Variants in FARP2 observed in about 807,000 individuals in gnomAD.
FARP2 encodes FERM, ARHGEF and pleckstrin domain-containing protein 2.
A neutral mutation model predicts 130.5 loss-of-function variants in FARP2; 111 were observed. The observed-to-expected ratio is 0.85, with a 90% CI of 0.73 to 1.00. The LOEUF (loss-of-function observed/expected upper bound fraction) is 1.00, where lower values mean the gene tolerates loss of function less well. Ranked by LOEUF, FARP2 falls within the 50% of genes least tolerant of loss-of-function variation. FARP2 has a pLI of 0.00. For missense variants in FARP2, 1,385 were observed against 1,346.3 expected (o/e 1.03, Z -0.45); for synonymous variants, 504 against 516.9 (o/e 0.98, Z 0.34).
At chr2:241,493,067 G>A (rs78424517) in intron 25 of FARP2, 31 bp downstream of exon 25, 8 of 1,305,164 alleles carry the variant, frequency 6.1e-6, no homozygotes, top group Non-Finnish European at 8.9e-6. Context: ...CCCAATGCAG[G>A]TGATGCTAGC....
intron 20 of FARP2, chr2:241,483,934 G>T: frequency 1.0e-6 from 1 of 985,476 alleles, no homozygotes. Flanking sequence ...CCAGTTAGTG[G>T]GTTCCAGCCT....
intron 13 of FARP2, chr2:241,443,368 T>G (rs897385985): frequency 1.3e-5 from 2 of 152,380 alleles, no homozygotes; most frequent in African/African-American, 2.4e-5. Flanking sequence ...AATGCACTTA[T>G]GTAAGTTTGA....
chr2:241,390,107 T>C (rs2061872493), intron 2 of FARP2, among the ~76,000 whole-genome samples: 1 of 152,212 alleles, frequency 6.6e-6, no homozygotes, highest in Non-Finnish European at 1.5e-5. Flanking sequence ...TGATAAGTGT[T>C]CTTAGGGCTT....
At chr2:241,470,380 G>A (rs2064275714) in intron 18 of FARP2, among the ~76,000 whole-genome samples, 1 of 151,198 alleles carries the variant, frequency 6.6e-6, no homozygotes, top group African/African-American at 2.4e-5. Context: ...ACTCAGTTAC[G>A]AGGGGACGTG....
intron 11 of FARP2, among the ~76,000 whole-genome samples, chr2:241,435,270 GTT>G (rs774760964): frequency 1.5e-5 from 2 of 132,770 alleles, no homozygotes; most frequent in African/African-American, 2.8e-5. Context: ...AGTTTTTTTT[GTT>G]TTTTTTTTTT....
chr2:241,492,348 C>G (rs2064950098), intron 24 of FARP2, among the ~76,000 whole-genome samples: 2 of 152,202 alleles, frequency 1.3e-5, no homozygotes, highest in Non-Finnish European at 2.9e-5. Context: ...CAGCTTATGG[C>G]CAGTCCAGGA....
At chr2:241,428,953 T>G (rs2063026050) in intron 8 of FARP2, among the ~76,000 whole-genome samples, 1 of 152,134 alleles carries the variant, frequency 6.6e-6, no homozygotes, top group Admixed American at 6.5e-5. Flanking sequence ...GGTTCACTCA[T>G]GTGGTAGCAT....
chr2:241,413,955 A>T (rs1361381315), intron 7 of FARP2, among the ~76,000 whole-genome samples: 1 of 148,964 alleles, frequency 6.7e-6, no homozygotes, highest in Non-Finnish European at 1.5e-5. Context: ...AAAAAAAAAA[A>T]GGTGCTGGAA....
intron 8 of FARP2, among the ~76,000 whole-genome samples, chr2:241,422,402 CA>C (rs200942678): frequency 4.7e-4 from 64 of 136,178 alleles, no homozygotes; most frequent in South Asian, 1.4e-3. Flanking sequence ...GACCCTGTAT[CA>C]AAAAAAAAAA....
chr2:241,383,792 G>C (rs1383665697), intron 2 of FARP2, among the ~76,000 whole-genome samples: 1 of 152,082 alleles, frequency 6.6e-6, no homozygotes, highest in African/African-American at 2.4e-5. Flanking sequence ...CTGGGCCTGA[G>C]CTCCCATGTC....
chr2:241,413,282 G>A (rs1559746229), intron 6 of FARP2, 25 bp from the exon 7 acceptor site: 3 of 1,411,798 alleles, frequency 2.1e-6, no homozygotes, highest in Admixed American at 3.8e-5. Context: ...TTAAAAATTA[G>A]TTACTTACTT....
At chr2:241,457,708 A>G (rs113727429) in intron 14 of FARP2, among the ~76,000 whole-genome samples, 4,650 of 86,904 alleles carry the variant, frequency 0.054, 269 homozygotes, top group East Asian at 0.16. Context: ...GGGTGCACTA[A>G]GGACCGCTTT....
chr2:241,417,224 G>A (rs949563984), intron 7 of FARP2, among the ~76,000 whole-genome samples: 4 of 151,684 alleles, frequency 2.6e-5, no homozygotes, highest in Non-Finnish European at 4.4e-5. Flanking sequence ...CTTGAACCTG[G>A]GAGGCAGAGG....
At chr2:241,473,655 A>C (rs1471644838) in intron 18 of FARP2, among the ~76,000 whole-genome samples, 1 of 152,098 alleles carries the variant, frequency 6.6e-6, no homozygotes, top group Non-Finnish European at 1.5e-5. Context: ...GTGCTCTTTG[A>C]GTGGATTCAA....
rs747604529 is a variant in FARP2 at position 241,456,775 on chromosome 2, T to G, written c.1440T>G (p.Ser480=). The stretch of plus-strand genomic sequence containing the variant: ...TTTCCACGAAGAGTCCTCAGCCTTC[T>G]CCCTCCAGCCGGAAGAGCCCCCTGA... The part of the protein sequence containing the change: ...PGLSTKSPQP[S]PSSRKSPLSL... The change falls in exon 14 of 27, where the codon TCT becomes TCG. Residue 480 remains serine, a synonymous_variant. Transcript: ENST00000264042. 6.2e-7 allele frequency: 1 copy of G among 1,614,038 alleles called. No individual in the cohort carries two copies. The highest frequency in any genetic ancestry group is 8.5e-7 in the Non-Finnish European group (1 of 1,179,992).
chr2:241,449,375 G>T (rs4675813), intron 13 of FARP2, among the ~76,000 whole-genome samples: 115,747 of 152,026 alleles, frequency 0.76, 44,300 homozygotes, highest in Middle Eastern at 0.85. Flanking sequence ...TTCCTGTACC[G>T]CCTCTGAAGT....
chr2:241,491,001 AGGGC>A lies in FARP2; in HGVS notation c.2505-59_2505-56del. The A allele has an allele frequency of 5.2e-6, 7 of 1,343,114 alleles. No individual in the cohort carries two copies. The Admixed American group carries it at 1.2e-4, about 23-fold the overall frequency. The allele number at this position is 1,343,114 out of a possible 1,614,324, so 83.2% of individuals were successfully genotyped here. ...TGCCCTGACGGCTCGCCCTCCCTTG[AGGGC>A]TGGGGCCCTACACAAGGAAGAGCAG... On this transcript the variant is annotated intron_variant, in intron 22 of 26. Transcript: ENST00000264042.
At chr2:241,435,163 G>A (rs777613469) in intron 11 of FARP2, 133 bp downstream of exon 11, 38 of 524,008 alleles carry the variant, frequency 7.3e-5, no homozygotes, top group South Asian at 1.3e-4. Flanking sequence ...GCATGATCAC[G>A]GCTCACTGCA....
intron 13 of FARP2, among the ~76,000 whole-genome samples, chr2:241,447,532 G>C (rs1158237585): frequency 1.3e-5 from 2 of 152,152 alleles, no homozygotes; most frequent in Non-Finnish European, 2.9e-5. Flanking sequence ...ACCGTGCACA[G>C]AACAGATGCT....
Sources: gnomAD v4.1 joint callset for allele counts (sites outside exome capture counted in the v4.1 genomes callset) on GRCh38, gnomAD v4.1.1 for gene constraint, MANE v1.5 for transcripts, NCBI Gene and HGNC (gene_info 2026-07-23, HGNC 2026-07-21) for gene names.